The following ITGA9 variants were observed in gnomAD, a reference collection of about 807,000 sequenced individuals.
ITGA9 encodes integrin subunit alpha 9.
A neutral mutation model predicts 127.8 loss-of-function variants in ITGA9; 56 were observed. That is an observed-to-expected ratio of 0.44 (90% CI 0.35 to 0.55). The LOEUF (loss-of-function observed/expected upper bound fraction) is 0.55. ITGA9 is among the 20% of genes least tolerant of loss of function. The probability of loss-of-function intolerance (pLI) is 0.00; values close to 1 mark genes in which losing one functional copy is unlikely to be tolerated. For missense variants in ITGA9, 1,196 were observed against 1,347.1 expected, an observed-to-expected ratio of 0.89 and a Z score of 1.76; for synonymous variants, 508 against 514.5, an observed-to-expected ratio of 0.99 and a Z score of 0.17.
intron 3 of ITGA9, among the ~76,000 whole-genome samples, chr3:37,474,098 A>G (rs753400701): frequency 3.3e-5 from 5 of 152,174 alleles, no homozygotes; most frequent in Non-Finnish European, 7.3e-5. Flanking sequence ...TATGAAATAA[A>G]TGTTATTTTT....
intron 2 of ITGA9, among the ~76,000 whole-genome samples, chr3:37,472,724 G>A (rs116177236): frequency 0.019 from 2,821 of 152,192 alleles, 76 homozygotes; most frequent in African/African-American, 0.063. Context: ...TTTAAATAAA[G>A]AGTTATTGTG....
At chr3:37,514,928 G>A (rs2125577941) in intron 9 of ITGA9, among the ~76,000 whole-genome samples, 1 of 152,174 alleles carries the variant, frequency 6.6e-6, no homozygotes, top group South Asian at 2.1e-4. Flanking sequence ...ACAGAAAGAT[G>A]CCTCTGGCCC....
chr3:37,612,929 A>T (rs1700037183), intron 15 of ITGA9, among the ~76,000 whole-genome samples: 1 of 151,758 alleles, frequency 6.6e-6, no homozygotes, highest in South Asian at 2.1e-4. Context: ...TCTGAGCCTT[A>T]AGACTTATTT....
chr3:37,718,297 AG>A (rs1437638502), intron 18 of ITGA9, among the ~76,000 whole-genome samples: 3 of 152,220 alleles, frequency 2.0e-5, no homozygotes, highest in African/African-American at 7.2e-5. Flanking sequence ...TTCCTCTGGG[AG>A]CACAGCAGGT....
chr3:37,660,004 GCA>G (rs1215246041), intron 17 of ITGA9, among the ~76,000 whole-genome samples: 18 of 98,574 alleles, frequency 1.8e-4, no homozygotes, highest in South Asian at 2.9e-4. Flanking sequence ...ACACACACAC[GCA>G]CACACACACA....
At chr3:37,535,829 C>T (rs1318606649) in intron 14 of ITGA9, among the ~76,000 whole-genome samples, 1 of 152,210 alleles carries the variant, frequency 6.6e-6, no homozygotes, top group East Asian at 1.9e-4. Context: ...AATTATTCAT[C>T]CCCAGCATGT....
Position 37,803,841 on chromosome 3 carries a change from C to A in ITGA9, c.2908C>A (p.His970Asn), listed in dbSNP as rs143953249. The A allele has an allele frequency of 1.9e-6, 3 of 1,614,022 alleles. No homozygotes were observed. In the African/African-American group the frequency reaches 4.0e-5, roughly 22 times the overall value. ...CTCCTAGGTGGTCTTCGAGGCCCTG[C>A]ACAATCTGGAGCCCCGTGGCTACGT... ...EEVTVVFEAL[H>N]NLEPRGYVVG... Residue 970 changes from histidine to asparagine, a missense_variant, in exon 27 of 28, where the codon CAC (histidine) becomes AAC (asparagine). By Grantham distance (68) the His-to-Asn change is moderately conservative. Coordinates refer to ENST00000264741, the MANE Select transcript of ITGA9 (RefSeq NM_002207.3).
chr3:37,523,269 AT>A (rs1358919126), intron 11 of ITGA9, among the ~76,000 whole-genome samples: 1 of 152,168 alleles, frequency 6.6e-6, no homozygotes, highest in African/African-American at 2.4e-5. Context: ...GTCTAGGTGG[AT>A]TTTTTTCATT....
At position 37,686,808 on chromosome 3, in the gene ITGA9, G is replaced by A. The variant is rs564511404; in HGVS notation, c.2067+2793G>A. ...CCCTCAGGGTGGCAGGAAAAGGAAG[G>A]GAAAAGAAACAGAAACTACCCTTCC... On this transcript the variant is annotated intron_variant, in intron 18 of 27. Transcript: ENST00000264741. Among the ~76,000 whole-genome samples, 16 of 152,240 alleles carry A rather than the reference G, an allele frequency of 1.1e-4. No homozygotes were observed. In the East Asian group the frequency reaches 3.1e-3, roughly 29 times the overall value.
chr3:37,548,763 C>T (rs1211870697), intron 15 of ITGA9, among the ~76,000 whole-genome samples: 2 of 152,166 alleles, frequency 1.3e-5, no homozygotes, highest in Non-Finnish European at 2.9e-5. Context: ...TGACCTTGGA[C>T]ATATGTCCTA....
rs548315761 is a variant in ITGA9 at position 37,491,796 on chromosome 3, C to T, written c.545-2705C>T. 6.4e-4 allele frequency among the ~76,000 whole-genome samples: 98 copies of T among 152,306 alleles called. 1 individual carries two copies. Among genetic ancestry groups the T allele is most frequent in the African/African-American group, 2.3e-3 (96 of 41,564 alleles). ...GGTAGAATAACCCTATGTACATACTCTTTGGGGAAGAAAGGCTCGTACATG... is the reference window on the plus strand; with the variant it reads ...GGTAGAATAACCCTATGTACATACTTTTTGGGGAAGAAAGGCTCGTACATG... On this transcript the variant is annotated intron_variant, in intron 4 of 27. Coordinates refer to ENST00000264741, the MANE Select transcript of ITGA9 (RefSeq NM_002207.3).
At chr3:37,765,446 G>A (rs1424979954) in intron 23 of ITGA9, among the ~76,000 whole-genome samples, 1 of 152,032 alleles carries the variant, frequency 6.6e-6, no homozygotes, top group Non-Finnish European at 1.5e-5. Flanking sequence ...CTCAGTAATG[G>A]CCCTAAACTT....
intron 6 of ITGA9, among the ~76,000 whole-genome samples, 186 bp from the exon 7 acceptor site, chr3:37,505,814 A>G (rs1055670793): frequency 6.6e-6 from 1 of 152,232 alleles, no homozygotes; most frequent in Non-Finnish European, 1.5e-5. Flanking sequence ...TATCCTTGTG[A>G]ACATGACTTT....
chr3:37,486,727 G>A (rs1698613773), intron 4 of ITGA9, among the ~76,000 whole-genome samples: 1 of 152,196 alleles, frequency 6.6e-6, no homozygotes, highest in African/African-American at 2.4e-5. Context: ...TGGTTGGTAA[G>A]TGTTCCTTCC....
At chr3:37,633,510 G>C (rs1700246838) in intron 16 of ITGA9, among the ~76,000 whole-genome samples, 1 of 152,166 alleles carries the variant, frequency 6.6e-6, no homozygotes, top group Non-Finnish European at 1.5e-5. Flanking sequence ...CTCATGTAAT[G>C]TATTGAACAC....
chr3:37,631,129 A>C (rs979165675), intron 16 of ITGA9, among the ~76,000 whole-genome samples: 1 of 152,194 alleles, frequency 6.6e-6, no homozygotes, highest in African/African-American at 2.4e-5. Flanking sequence ...TACTGGACTG[A>C]TAAACTTACC....
intron 16 of ITGA9, among the ~76,000 whole-genome samples, chr3:37,635,062 C>G (rs1453868811): frequency 6.6e-6 from 1 of 152,126 alleles, no homozygotes; most frequent in Non-Finnish European, 1.5e-5. Context: ...AATGGAAACA[C>G]AGCATACAAA....
chr3:37,740,929 G>C (rs776697011), intron 20 of ITGA9, among the ~76,000 whole-genome samples: 33 of 152,176 alleles, frequency 2.2e-4, no homozygotes, highest in Admixed American at 7.2e-4. Context: ...TATAGCGAGA[G>C]CTTCCATGAT....
chr3:37,695,536 C>T (rs1700876095), intron 18 of ITGA9, among the ~76,000 whole-genome samples: 1 of 152,216 alleles, frequency 6.6e-6, no homozygotes, highest in Non-Finnish European at 1.5e-5. Flanking sequence ...TGGAATTTAA[C>T]AGAGAATGTG....
Sources: gnomAD v4.1 joint callset for allele counts (sites outside exome capture counted in the v4.1 genomes callset) on GRCh38, gnomAD v4.1.1 for gene constraint, MANE v1.5 for transcripts, NCBI Gene and HGNC (gene_info 2026-07-23, HGNC 2026-07-21) for gene names.